The following NXPE2 variants were observed in gnomAD, a reference collection of about 807,000 sequenced individuals.
The protein encoded by NXPE2 is neurexophilin and PC-esterase domain family member 2, also known as NXPE family member 2.
NXPE2 carries 34 observed loss-of-function variants against 34.4 expected under a neutral mutation model. The ratio of observed to expected loss-of-function variants is 0.99; its 90% confidence interval spans 0.75 to 1.31. The LOEUF is 1.31. Ranked by LOEUF, NXPE2 falls within the 40% of genes most tolerant of loss-of-function variation. The probability of loss-of-function intolerance (pLI) is 0.00; values close to 1 mark genes in which losing one functional copy is unlikely to be tolerated. For missense variants in NXPE2, 649 were observed against 672.5 expected, an observed-to-expected ratio of 0.97 and a Z score of 0.39; for synonymous variants, 235 against 231.3, an observed-to-expected ratio of 1.02 and a Z score of -0.15.
the NXPE2 span, among the ~76,000 whole-genome samples, chr11:114,637,347 C>T: frequency 1.3e-5 from 2 of 151,884 alleles, no homozygotes; most frequent in East Asian, 3.9e-4. Flanking sequence ...TATTTTGAGC[C>T]CATGTGTGTC....
the NXPE2 span, among the ~76,000 whole-genome samples, chr11:114,672,309 AGAACAATCCC>A: frequency 6.6e-6 from 1 of 152,034 alleles, no homozygotes; most frequent in Non-Finnish European, 1.5e-5. Context: ...GTTAATTGCT[AGAACAATCCC>A]TAAATTTTTT....
the NXPE2 span, among the ~76,000 whole-genome samples, chr11:114,490,313 A>G: frequency 1.3e-5 from 2 of 152,212 alleles, no homozygotes; most frequent in African/African-American, 4.8e-5. Context: ...TGGCCTCCCC[A>G]TCAAGCTACC....
At chr11:114,583,240 G>C in the NXPE2 span, 1 of 685,234 alleles carries the variant, frequency 1.5e-6, no homozygotes, top group East Asian at 2.8e-5. Context: ...CAGAGGGACA[G>C]GAAGTGAGCA....
the NXPE2 span, among the ~76,000 whole-genome samples, chr11:114,605,703 T>C: frequency 2.6e-5 from 4 of 151,866 alleles, no homozygotes; most frequent in African/African-American, 9.7e-5. Flanking sequence ...CTGTGGATAA[T>C]ACATGTTACC....
At chr11:114,483,411 G>A in the NXPE2 span, among the ~76,000 whole-genome samples, 26,991 of 152,142 alleles carry the variant, frequency 0.18, 2,646 homozygotes, top group East Asian at 0.27. Context: ...TCAAATTTAC[G>A]TAAGTTTTCT....
chr11:114,696,819 T>G (rs980685257), intron 2 of NXPE2, among the ~76,000 whole-genome samples: 1 of 152,162 alleles, frequency 6.6e-6, no homozygotes, highest in East Asian at 1.9e-4. Context: ...CAGTAGTCCT[T>G]AAATCTACTA....
At chr11:114,550,355 A>G in the NXPE2 span, among the ~76,000 whole-genome samples, 1 of 152,190 alleles carries the variant, frequency 6.6e-6, no homozygotes, top group Non-Finnish European at 1.5e-5. Context: ...TAATTAAAGT[A>G]GGATGGTATT....
At chr11:114,787,521 G>A in the NXPE2 span, among the ~76,000 whole-genome samples, 3 of 152,144 alleles carry the variant, frequency 2.0e-5, no homozygotes, top group Non-Finnish European at 4.4e-5. Flanking sequence ...CGTCTAAGAC[G>A]GATTTGAGCA....
chr11:114,756,613 A>G, the NXPE2 span, among the ~76,000 whole-genome samples: 3 of 152,178 alleles, frequency 2.0e-5, no homozygotes, highest in Admixed American at 6.5e-5. Context: ...ATAAAGGTAT[A>G]ACATTCTGAA....
chr11:114,712,740 G>A, the NXPE2 span, among the ~76,000 whole-genome samples: 1 of 152,128 alleles, frequency 6.6e-6, no homozygotes, highest in Middle Eastern at 3.2e-3. Flanking sequence ...AAGTAGAATT[G>A]CCATACAATC....
At chr11:114,716,766 T>G in the NXPE2 span, among the ~76,000 whole-genome samples, 1 of 152,176 alleles carries the variant, frequency 6.6e-6, no homozygotes, top group African/African-American at 2.4e-5. Flanking sequence ...ATCAGTCCAT[T>G]GCCACTTGAT....
At chr11:114,675,257 G>A (rs570610723), upstream of NXPE2, among the ~76,000 whole-genome samples, 9 of 151,806 alleles carry the variant, frequency 5.9e-5, no homozygotes, top group East Asian at 3.9e-4. Flanking sequence ...AGGAATAAGA[G>A]GATACCCACT....
the NXPE2 span, among the ~76,000 whole-genome samples, chr11:114,594,107 C>T: frequency 5.9e-5 from 9 of 151,984 alleles, no homozygotes; most frequent in Admixed American, 3.3e-4. Flanking sequence ...TAAGATCTAG[C>T]ATTTGATAGT....
the NXPE2 span, chr11:114,552,948 G>T: frequency 3.1e-6 from 2 of 648,468 alleles, no homozygotes; most frequent in Non-Finnish European, 3.8e-6. Context: ...TACAGTAGTA[G>T]AAATACCAAA....
the NXPE2 span, among the ~76,000 whole-genome samples, chr11:114,603,055 G>T: frequency 1.3e-5 from 2 of 151,208 alleles, no homozygotes; most frequent in South Asian, 4.2e-4. Flanking sequence ...AATAATTATT[G>T]TCTCATAGGT....
At chr11:114,670,884 T>C in the NXPE2 span, among the ~76,000 whole-genome samples, 1 of 151,356 alleles carries the variant, frequency 6.6e-6, no homozygotes, top group Non-Finnish European at 1.5e-5. Context: ...GGAAACCGCC[T>C]CTGAGAGGGC....
the NXPE2 span, among the ~76,000 whole-genome samples, chr11:114,729,536 A>G: frequency 5.3e-5 from 8 of 152,266 alleles, no homozygotes; most frequent in South Asian, 1.7e-3. Flanking sequence ...AACAGTGTAT[A>G]AACATTCCCT....
At chr11:114,585,748 A>T in the NXPE2 span, among the ~76,000 whole-genome samples, 1 of 152,140 alleles carries the variant, frequency 6.6e-6, no homozygotes, top group African/African-American at 2.4e-5. Context: ...AACAAAAAGG[A>T]GCCCCCAAAT....
chr11:114,701,265 C>T (rs1280858889), intron 3 of NXPE2, among the ~76,000 whole-genome samples: 3 of 152,036 alleles, frequency 2.0e-5, no homozygotes, highest in Non-Finnish European at 2.9e-5. Context: ...TTTATATGTG[C>T]CTGATTCTAT....
Sources: allele counts gnomAD v4.1 joint callset (sites outside exome capture counted in the v4.1 genomes callset), GRCh38; gene constraint gnomAD v4.1.1; transcripts MANE v1.5; gene names NCBI Gene and HGNC (gene_info 2026-07-23, HGNC 2026-07-21).